ROBO2: variants seen among roughly 807,000 people sequenced by gnomAD.
ROBO2 encodes the protein roundabout homolog 2.
Under a neutral mutation model 160.8 loss-of-function variants are expected in ROBO2, and 53 were observed. That is an observed-to-expected ratio of 0.33 (90% CI 0.26 to 0.41). The LOEUF (loss-of-function observed/expected upper bound fraction) is 0.41, where lower values mean the gene tolerates loss of function less well. Among genes scored for constraint, ROBO2 ranks in the 10% least tolerant of loss-of-function variants. The pLI is 1.00. For missense variants in ROBO2, 1,577 were observed against 1,722.4 expected (o/e 0.92, Z 1.49); for synonymous variants, 664 against 611.7 (o/e 1.09, Z -1.26).
At chr3:77,181,785 A>G (rs1425602903) in intron 2 of ROBO2, among the ~76,000 whole-genome samples, 2 of 152,112 alleles carry the variant, frequency 1.3e-5, no homozygotes, top group Non-Finnish European at 2.9e-5. Context: ...AAATTTTCAA[A>G]TATTTAATTA....
chr3:76,759,614 T>C (rs887470363), intron 2 of ROBO2, among the ~76,000 whole-genome samples: 6 of 151,738 alleles, frequency 4.0e-5, no homozygotes, highest in Non-Finnish European at 8.8e-5. Flanking sequence ...ATCAAGTATT[T>C]GACCAAACCA....
intron 2 of ROBO2, among the ~76,000 whole-genome samples, chr3:75,941,154 C>G (rs1350498324): frequency 6.6e-6 from 1 of 151,960 alleles, no homozygotes; most frequent in African/African-American, 2.4e-5. Flanking sequence ...CTGGGTCTTG[C>G]TATGTTGCCC....
At chr3:76,798,255 A>G (rs201638120) in intron 2 of ROBO2, among the ~76,000 whole-genome samples, 7 of 134,990 alleles carry the variant, frequency 5.2e-5, no homozygotes, top group East Asian at 4.4e-4. Context: ...GAAGAAAGAA[A>G]GAAGGAAAGA....
chr3:76,698,921 C>T (rs573323235), intron 2 of ROBO2, among the ~76,000 whole-genome samples: 5 of 152,008 alleles, frequency 3.3e-5, no homozygotes, highest in Non-Finnish European at 7.4e-5. Flanking sequence ...TTTTGATGCC[C>T]AGTGCTTATC....
chr3:76,855,227 C>T (rs1041788226), intron 2 of ROBO2, among the ~76,000 whole-genome samples: 1 of 152,146 alleles, frequency 6.6e-6, no homozygotes, highest in Non-Finnish European at 1.5e-5. Flanking sequence ...TAAATTATAA[C>T]CTCAAATTTA....
In ROBO2 at chr3:77,068,653, T is replaced by C. The variant is rs554075785; in HGVS notation, c.61+27807T>C. On this transcript the variant is annotated intron_variant, in intron 1 of 25. Coordinates refer to ENST00000461745, the Ensembl canonical transcript of ROBO2. ...CTCATTACTGATTTGTGAGAAAGAATGAATGGCAACAAAAGAGCATGAGGG... is the reference window on the plus strand; with the variant it reads ...CTCATTACTGATTTGTGAGAAAGAACGAATGGCAACAAAAGAGCATGAGGG... Among the ~76,000 whole-genome samples the C allele has an allele frequency of 1.1e-3, 160 of 152,182 alleles. 2 individuals are homozygous for C. Among genetic ancestry groups the C allele is most frequent in the African/African-American group, 3.4e-3 (142 of 41,526 alleles).
intron 1 of ROBO2, among the ~76,000 whole-genome samples, chr3:75,930,298 T>C (rs1055716225): frequency 2.6e-5 from 4 of 152,152 alleles, no homozygotes; most frequent in African/African-American, 9.7e-5. Flanking sequence ...TTCATTTTTA[T>C]TGAGACTCTC....
intron 5 of ROBO2, among the ~76,000 whole-genome samples, chr3:77,515,022 G>A (rs2089856996): frequency 6.6e-6 from 1 of 151,704 alleles, no homozygotes; most frequent in Non-Finnish European, 1.5e-5. Flanking sequence ...TTTTGCTTCA[G>A]ATTGCCTACA....
intron 2 of ROBO2, among the ~76,000 whole-genome samples, chr3:75,995,678 G>GATA (rs1311797371): frequency 6.6e-6 from 1 of 152,018 alleles, no homozygotes; most frequent in African/African-American, 2.4e-5. Flanking sequence ...TAGATCCACC[G>GATA]ATAGCTTGCA....
chr3:77,212,808 C>G (rs1464396538), intron 2 of ROBO2, among the ~76,000 whole-genome samples: 1 of 152,130 alleles, frequency 6.6e-6, no homozygotes, highest in Non-Finnish European at 1.5e-5. Flanking sequence ...TTGTCAAAGG[C>G]CTTTTCTGCA....
chr3:77,192,426 T>C (rs185270635), intron 2 of ROBO2, among the ~76,000 whole-genome samples: 100 of 152,306 alleles, frequency 6.6e-4, no homozygotes, highest in African/African-American at 2.3e-3. Context: ...AGAATAAGTA[T>C]AACTTTAAAT....
chr3:77,528,831 A>G (rs915784618), intron 6 of ROBO2, among the ~76,000 whole-genome samples: 10 of 151,722 alleles, frequency 6.6e-5, no homozygotes, highest in Non-Finnish European at 1.0e-4. Context: ...GATGAAATCA[A>G]TTGTGGTTTG....
intron 2 of ROBO2, among the ~76,000 whole-genome samples, chr3:76,215,872 G>A (rs538932256): frequency 6.6e-6 from 1 of 152,272 alleles, no homozygotes; most frequent in South Asian, 2.1e-4. Context: ...ATTCACCAAA[G>A]TTGAAATGAA....
chr3:77,610,200 G>T (rs1001635487), intron 21 of ROBO2, among the ~76,000 whole-genome samples: 14 of 151,888 alleles, frequency 9.2e-5, no homozygotes, highest in Non-Finnish European at 1.8e-4. Flanking sequence ...ATAATATTAA[G>T]TAAGTCAAAA....
intron 2 of ROBO2, among the ~76,000 whole-genome samples, chr3:77,280,337 T>C (rs529712567): frequency 2.0e-5 from 3 of 152,318 alleles, no homozygotes; most frequent in Admixed American, 1.3e-4. Context: ...AAAATGGTTA[T>C]GTGGAAAGTT....
At chr3:76,887,193 C>CCTTTTTT (rs1178064382) in intron 2 of ROBO2, among the ~76,000 whole-genome samples, 48 of 120,440 alleles carry the variant, frequency 4.0e-4, no homozygotes, top group Non-Finnish European at 6.1e-4. Context: ...CTTCAGGAAG[C>CCTTTTTT]ATTTTTTTTT....
rs140112170 is a variant in ROBO2, at chr3:76,241,236, G to A, written c.109+303634G>A. ...TGTTATTGAATAACTATTTCATGATGCCATGGCTTCCCGGGATCTTAAGGA... is the reference window on the plus strand; with the variant it reads ...TGTTATTGAATAACTATTTCATGATACCATGGCTTCCCGGGATCTTAAGGA... On this transcript the variant is annotated intron_variant, in intron 2 of 26. Transcript: ENST00000487694. Among the ~76,000 whole-genome samples the A allele has an allele frequency of 2.6e-5, 4 of 152,276 alleles. No individual in the cohort carries two copies. In the East Asian group the frequency reaches 5.8e-4, roughly 22 times the overall value.
At chr3:76,366,090 A>G (rs1476172454) in intron 2 of ROBO2, among the ~76,000 whole-genome samples, 1 of 151,992 alleles carries the variant, frequency 6.6e-6, no homozygotes, top group Non-Finnish European at 1.5e-5. Context: ...CTACTTTCTT[A>G]GTAAGAAAAT....
At chr3:77,188,519 C>T (rs2081495041) in intron 2 of ROBO2, among the ~76,000 whole-genome samples, 1 of 151,764 alleles carries the variant, frequency 6.6e-6, no homozygotes, top group African/African-American at 2.4e-5. Context: ...CTTAAAAATA[C>T]ATGTGTTTTT....
Sources: gnomAD v4.1 joint callset for allele counts (sites outside exome capture counted in the v4.1 genomes callset) on GRCh38, gnomAD v4.1.1 for gene constraint, MANE v1.5 for transcripts, NCBI Gene and HGNC (gene_info 2026-07-23, HGNC 2026-07-21) for gene names.